The following MGAT5 variants were observed in gnomAD, a reference collection of about 807,000 sequenced individuals.
MGAT5 encodes alpha-1,6-mannosylglycoprotein 6-beta-N-acetylglucosaminyltransferase.
In MGAT5, 30 loss-of-function variants were observed where a neutral mutation model predicts 94.3. That is an observed-to-expected ratio of 0.32 (90% confidence interval 0.24 to 0.43). MGAT5 has a LOEUF of 0.43. Among genes scored for constraint, MGAT5 ranks in the 20% least tolerant of loss-of-function variants. MGAT5 has a pLI of 1.00. For missense variants in MGAT5, 691 were observed against 905.5 expected (o/e 0.76, Z 3.04); for synonymous variants, 310 against 322.9 (o/e 0.96, Z 0.43).
chr2:134,273,790 A>G (rs1057236216), intron 2 of MGAT5, among the ~76,000 whole-genome samples: 1 of 152,192 alleles, frequency 6.6e-6, no homozygotes, highest in Non-Finnish European at 1.5e-5. Context: ...AATGAGCTTT[A>G]TTAAAATCAA....
At chr2:134,277,028 A>T (rs530266239) in intron 2 of MGAT5, among the ~76,000 whole-genome samples, 1 of 152,210 alleles carries the variant, frequency 6.6e-6, no homozygotes, top group Non-Finnish European at 1.5e-5. Context: ...GACTGTAGCC[A>T]CAAGCCATTT....
Position 134,449,336 on chromosome 2 carries a change from G to T in MGAT5, c.*489G>T. ...GTTAATCATCCACCTTCACTATACTGTTGTTCTGTCTGCTTTGGGCAGGGT... is the reference window on the plus strand; with the variant it reads ...GTTAATCATCCACCTTCACTATACTTTTGTTCTGTCTGCTTTGGGCAGGGT... On this transcript the variant is annotated 3_prime_UTR_variant, in exon 16 of 16. Transcript: ENST00000281923. The T allele has an allele frequency of 5.4e-6, 1 of 185,362 alleles. No individual in the cohort carries two copies. Among genetic ancestry groups the T allele is most frequent in the South Asian group, 1.1e-4 (1 of 8,706 alleles). The allele number at this position is 185,362 out of a possible 1,614,324, so 11.5% of individuals were successfully genotyped here.
chr2:134,317,847 C>G (rs558963269), intron 3 of MGAT5, among the ~76,000 whole-genome samples: 6 of 152,260 alleles, frequency 3.9e-5, no homozygotes, highest in African/African-American at 1.4e-4. Context: ...TGGGCCATTT[C>G]AGGCACCTGC....
intron 1 of MGAT5, among the ~76,000 whole-genome samples, chr2:134,188,760 G>GGTAT (rs2105212630): frequency 7.5e-6 from 1 of 133,838 alleles, no homozygotes; most frequent in Non-Finnish European, 1.6e-5. Context: ...TCAGTTAAAG[G>GGTAT]GTATGGTTCC....
chr2:134,124,334 T>G (rs551011767), intron 1 of MGAT5, among the ~76,000 whole-genome samples: 3 of 152,226 alleles, frequency 2.0e-5, no homozygotes, highest in Admixed American at 1.3e-4. Context: ...CACAATTAAG[T>G]GCATCCTTCC....
chr2:134,182,280 G>T (rs940424111), intron 1 of MGAT5, among the ~76,000 whole-genome samples: 1 of 152,198 alleles, frequency 6.6e-6, no homozygotes. Flanking sequence ...TGTCATCTAT[G>T]ATAGCTATAT....
At chr2:134,260,854 G>A (rs1188308629) in intron 1 of MGAT5, among the ~76,000 whole-genome samples, 1 of 152,054 alleles carries the variant, frequency 6.6e-6, no homozygotes, top group Non-Finnish European at 1.5e-5. Flanking sequence ...CAGTGTGTCT[G>A]AGAAGGCTTT....
At chr2:134,425,423 G>A (rs1448520579) in intron 13 of MGAT5, among the ~76,000 whole-genome samples, 1 of 151,712 alleles carries the variant, frequency 6.6e-6, no homozygotes, top group Non-Finnish European at 1.5e-5. Context: ...TGTGTGGTTG[G>A]TTTTTTTGTT....
At chr2:134,132,277 C>G (rs1349926332) in intron 1 of MGAT5, among the ~76,000 whole-genome samples, 1 of 152,026 alleles carries the variant, frequency 6.6e-6, no homozygotes, top group Admixed American at 6.5e-5. Context: ...ATATTTTTAC[C>G]AATTACACTC....
At chr2:134,400,230 C>T (rs1421467062) in intron 10 of MGAT5, among the ~76,000 whole-genome samples, 2 of 152,156 alleles carry the variant, frequency 1.3e-5, no homozygotes, top group African/African-American at 2.4e-5. Context: ...GAATAGGCAG[C>T]GTGGTTCATC....
chr2:134,282,048 T>G (rs556312073), intron 2 of MGAT5, among the ~76,000 whole-genome samples: 3 of 152,338 alleles, frequency 2.0e-5, no homozygotes, highest in African/African-American at 4.8e-5. Flanking sequence ...GGGAGGCAGA[T>G]GGGTGTCTCC....
At chr2:134,374,723 T>G (rs1182803842) in intron 10 of MGAT5, among the ~76,000 whole-genome samples, 1 of 152,178 alleles carries the variant, frequency 6.6e-6, no homozygotes, top group Non-Finnish European at 1.5e-5. Flanking sequence ...CCGGGCACAG[T>G]GGCTCATGCC....
intron 10 of MGAT5, among the ~76,000 whole-genome samples, chr2:134,380,296 A>G (rs1681456410): frequency 6.6e-6 from 1 of 152,248 alleles, no homozygotes; most frequent in Non-Finnish European, 1.5e-5. Flanking sequence ...TTTCTTCTGG[A>G]GCATAGTAAA....
chr2:134,377,046 G>A (rs868484312), intron 10 of MGAT5, among the ~76,000 whole-genome samples: 1 of 152,228 alleles, frequency 6.6e-6, no homozygotes, highest in Non-Finnish European at 1.5e-5. Context: ...TCAGACAAGA[G>A]ACAGGTTTGA....
intron 15 of MGAT5, among the ~76,000 whole-genome samples, chr2:134,446,474 G>A (rs79229059): frequency 0.016 from 2,414 of 152,134 alleles, 64 homozygotes; most frequent in African/African-American, 0.056. Flanking sequence ...GTATCCCAAG[G>A]TCATGTTCCA....
intron 10 of MGAT5, among the ~76,000 whole-genome samples, chr2:134,369,727 T>TTGTGTGTGCGTGTGTGTGTG: frequency 7.0e-6 from 1 of 142,286 alleles, no homozygotes; most frequent in Admixed American, 7.0e-5. Flanking sequence ...GGTTTTTACA[T>TTGTGTGTGCGTGTGTGTGTG]TGTGTGTGTG....
At chr2:134,182,715 A>T (rs1002583602) in intron 1 of MGAT5, among the ~76,000 whole-genome samples, 35 of 151,624 alleles carry the variant, frequency 2.3e-4, no homozygotes, top group Admixed American at 5.2e-4. Flanking sequence ...CTAACAGCAC[A>T]GGTCAGTTTC....
intron 1 of MGAT5, among the ~76,000 whole-genome samples, chr2:134,148,069 T>A (rs564308842): frequency 1.3e-5 from 2 of 152,362 alleles, no homozygotes; most frequent in African/African-American, 4.8e-5. Flanking sequence ...TCATACCGTA[T>A]CACAATGGAA....
chr2:134,324,234 A>G (rs1235390311), intron 4 of MGAT5, among the ~76,000 whole-genome samples: 1 of 152,102 alleles, frequency 6.6e-6, no homozygotes, highest in Non-Finnish European at 1.5e-5. Flanking sequence ...GAAATAATCA[A>G]ATTGCCCAGT....
Sources: allele counts gnomAD v4.1 joint callset (sites outside exome capture counted in the v4.1 genomes callset), GRCh38; gene constraint gnomAD v4.1.1; transcripts MANE v1.5; gene names NCBI Gene and HGNC (gene_info 2026-07-23, HGNC 2026-07-21).